The following MAGEC3 variants were observed in gnomAD, a reference collection of about 807,000 sequenced individuals.
The protein encoded by MAGEC3 is melanoma-associated antigen C3.
A neutral mutation model predicts 35.3 loss-of-function variants in MAGEC3; 34 were observed. The ratio of observed to expected loss-of-function variants is 0.96; its 90% confidence interval spans 0.73 to 1.28. MAGEC3 has a LOEUF of 1.28. Among genes scored for constraint, MAGEC3 ranks in the 50% most tolerant of loss-of-function variants. The probability of loss-of-function intolerance (pLI) is 0.00; values close to 1 mark genes in which losing one functional copy is unlikely to be tolerated. For missense variants in MAGEC3, 561 were observed against 483.6 expected (o/e 1.16, Z -1.50); for synonymous variants, 202 against 185.6 (o/e 1.09, Z -0.72).
intron 4 of MAGEC3, among the ~76,000 whole-genome samples, chrX:141,894,261 A>G (rs2018065910): frequency 8.9e-6 from 1 of 112,406 alleles, no homozygotes; most frequent in Admixed American, 9.4e-5. Flanking sequence ...GCTAAAATAC[A>G]TATAATTTCA....
chrX:141,860,595 A>G (rs767616427), intron 1 of MAGEC3, among the ~76,000 whole-genome samples: 1 of 112,231 alleles, frequency 8.9e-6, no homozygotes, highest in South Asian at 3.7e-4. Flanking sequence ...GGTACAGACA[A>G]CCCGTAGAAT....
At chrX:141,839,635 A>G in intron 1 of MAGEC3, 1 of 750,561 alleles carries the variant, frequency 1.3e-6, no homozygotes, top group South Asian at 6.8e-5. Flanking sequence ...TTATATCTTC[A>G]GTAGATTTTA....
intron 2 of MAGEC3, among the ~76,000 whole-genome samples, chrX:141,878,794 G>T (rs2017936894): frequency 8.9e-6 from 1 of 112,031 alleles, no homozygotes; most frequent in Non-Finnish European, 1.9e-5. Flanking sequence ...ACTTCGTCTT[G>T]GGGGGCGTCT....
At chrX:141,888,710 G>T (rs915446998) in intron 4 of MAGEC3, among the ~76,000 whole-genome samples, 1 of 111,651 alleles carries the variant, frequency 9.0e-6, no homozygotes, top group South Asian at 3.8e-4. Flanking sequence ...ATGGATGGAG[G>T]TTATGCATGG....
At chrX:141,843,867 T>G (rs1363673825) in intron 1 of MAGEC3, among the ~76,000 whole-genome samples, 1 of 110,749 alleles carries the variant, frequency 9.0e-6, no homozygotes, top group African/African-American at 3.3e-5. Flanking sequence ...TCTTAAGAAA[T>G]ATAATATTAC....
intron 2 of MAGEC3, among the ~76,000 whole-genome samples, chrX:141,874,785 GTAT>G (rs1321977926): frequency 4.0e-5 from 4 of 100,005 alleles, no homozygotes; most frequent in Non-Finnish European, 8.0e-5. Context: ...AAACAGAATT[GTAT>G]TATTCTATGC....
At chrX:141,872,701 C>T (rs909962281) in intron 2 of MAGEC3, among the ~76,000 whole-genome samples, 10 of 110,808 alleles carry the variant, frequency 9.0e-5, no homozygotes, top group Admixed American at 7.7e-4. Context: ...GAGAGAAAGA[C>T]GGAGGAAGAA....
chrX:141,855,085 C>T (rs2017772218), intron 1 of MAGEC3, among the ~76,000 whole-genome samples: 1 of 110,948 alleles, frequency 9.0e-6, no homozygotes, highest in Non-Finnish European at 1.9e-5. Flanking sequence ...CTCTCAGGAG[C>T]ATATGTACAC....
In MAGEC3 at chrX:141,877,202, T is replaced by G. The variant is rs1257393620; in HGVS notation, c.259-1973T>G. 5.4e-5 allele frequency among the ~76,000 whole-genome samples: 6 copies of G among 111,960 alleles called. No homozygotes were observed. The Admixed American group carries it at 5.7e-4, about 11-fold the overall frequency. On this transcript the variant is annotated intron_variant, in intron 2 of 7. Transcript: ENST00000298296. ...ATTTTATGTTCAGGTAGGTCTTTGT[T>G]AATATGCCTCAACAGCATTTTAATA...
At chrX:141,874,402 A>G (rs1411129881) in intron 2 of MAGEC3, among the ~76,000 whole-genome samples, 12 of 112,108 alleles carry the variant, frequency 1.1e-4, no homozygotes, top group African/African-American at 3.6e-4. Flanking sequence ...TTCTGTTAAG[A>G]GAACAAAAAG....
At chrX:141,855,985 C>T (rs1465034840) in intron 1 of MAGEC3, among the ~76,000 whole-genome samples, 1 of 111,158 alleles carries the variant, frequency 9.0e-6, no homozygotes, top group Non-Finnish European at 1.9e-5. Context: ...GGAGCAATAA[C>T]AGTATTGATC....
At position 141,881,610 on chromosome X, in the gene MAGEC3, G is replaced by T. The variant is rs1603073225; in HGVS notation, c.723G>T (p.Leu241=). 1 of 1,211,156 alleles carries T rather than the reference G, an allele frequency of 8.3e-7. No homozygotes were observed. Among genetic ancestry groups the T allele is most frequent in the Non-Finnish European group, 1.1e-6 (1 of 895,267 alleles). The change falls in exon 4 of 8, where the codon CTG becomes CTT. Residue 241 remains leucine (L), a synonymous_variant. Transcript: ENST00000298296. ...EFIEILFGIS[L]TEVDPDHFYV... is the part of the protein sequence containing the mutation. ...TAGAGATTCTTTTTGGCATTTCCCT[G>T]ACAGAAGTGGACCCCGACCATTTCT...
intron 4 of MAGEC3, among the ~76,000 whole-genome samples, chrX:141,891,878 G>A (rs2018045647): frequency 9.1e-6 from 1 of 109,622 alleles, no homozygotes; most frequent in Admixed American, 9.9e-5. Flanking sequence ...GACATTATTT[G>A]GAGATAGGAT....
chrX:141,896,820 C>G (rs2018101020), intron 6 of MAGEC3, 62 bp from the exon 7 acceptor site: 1 of 1,205,763 alleles, frequency 8.3e-7, no homozygotes. Context: ...CCTCCTCTTC[C>G]TTGTCCTCAT....
chrX:141,861,820 A>T (rs1284428964), intron 1 of MAGEC3, among the ~76,000 whole-genome samples: 2 of 112,070 alleles, frequency 1.8e-5, no homozygotes, highest in East Asian at 5.6e-4. Context: ...AAAACCTGAA[A>T]GTATAAAACT....
chrX:141,884,496 A>C (rs760920957), intron 4 of MAGEC3, among the ~76,000 whole-genome samples: 1 of 111,175 alleles, frequency 9.0e-6, no homozygotes, highest in African/African-American at 3.3e-5. Context: ...CTATCCTATT[A>C]GTTCTGTCCC....
chrX:141,886,524 T>C (rs978215469), intron 4 of MAGEC3, among the ~76,000 whole-genome samples: 17 of 111,496 alleles, frequency 1.5e-4, no homozygotes, highest in Admixed American at 1.2e-3. Context: ...ACACTGGCTC[T>C]GAGCTGACAT....
At chrX:141,897,515 A>G (rs2018113594) in intron 7 of MAGEC3, 29 bp downstream of exon 7, 2 of 1,197,421 alleles carry the variant, frequency 1.7e-6, no homozygotes, top group Non-Finnish European at 2.3e-6. Flanking sequence ...CACTTTATAT[A>G]TGGGGATCCC....
At chrX:141,885,000 A>G (rs944968275) in intron 4 of MAGEC3, among the ~76,000 whole-genome samples, 2 of 111,618 alleles carry the variant, frequency 1.8e-5, no homozygotes, top group African/African-American at 6.5e-5. Flanking sequence ...CTGAGGAGAT[A>G]AACCCTGTGC....
Sources: gnomAD v4.1 joint callset for allele counts (sites outside exome capture counted in the v4.1 genomes callset) on GRCh38, gnomAD v4.1.1 for gene constraint, MANE v1.5 for transcripts, NCBI Gene and HGNC (gene_info 2026-07-23, HGNC 2026-07-21) for gene names.